ERC2: variants seen among roughly 807,000 people sequenced by gnomAD.
The protein encoded by ERC2 is ERC protein 2.
Under a neutral mutation model 114.8 loss-of-function variants are expected in ERC2, and 42 were observed. That is an observed-to-expected ratio of 0.37 (90% CI 0.29 to 0.47). The LOEUF (loss-of-function observed/expected upper bound fraction) is 0.47. Ranked by LOEUF, ERC2 falls within the 20% of genes least tolerant of loss-of-function variation. The pLI, the probability that ERC2 is intolerant of heterozygous loss-of-function variation, is 0.99. For missense variants in ERC2, 939 were observed against 1,150.7 expected (o/e 0.82, Z 2.66); for synonymous variants, 454 against 425.5 (o/e 1.07, Z -0.82).
chr3:55,679,843 G>A (rs1576099616), intron 17 of ERC2, among the ~76,000 whole-genome samples: 1 of 151,880 alleles, frequency 6.6e-6, no homozygotes, highest in Non-Finnish European at 1.5e-5. Context: ...TTTTCTTTTT[G>A]CAGCCATTAA....
At chr3:55,723,632 G>A (rs2064722309) in intron 15 of ERC2, among the ~76,000 whole-genome samples, 1 of 152,172 alleles carries the variant, frequency 6.6e-6, no homozygotes, top group Non-Finnish European at 1.5e-5. Context: ...TTCCAAGTCT[G>A]ATAAATGTCT....
At chr3:56,342,680 G>C (rs1015114017) in intron 2 of ERC2, among the ~76,000 whole-genome samples, 20 of 152,184 alleles carry the variant, frequency 1.3e-4, no homozygotes, top group African/African-American at 4.6e-4. Flanking sequence ...ATTCTGCCAG[G>C]TGTGTGTCAG....
intron 3 of ERC2, among the ~76,000 whole-genome samples, chr3:56,194,236 G>A (rs1281087468): frequency 4.0e-5 from 6 of 151,840 alleles, no homozygotes; most frequent in Middle Eastern, 3.2e-3. Context: ...CCCTCCTCCC[G>A]CCACCACCCC....
chr3:56,285,469 C>T (rs750309729), intron 3 of ERC2, among the ~76,000 whole-genome samples: 2 of 152,116 alleles, frequency 1.3e-5, no homozygotes, highest in South Asian at 2.1e-4. Context: ...GTCAACCTTG[C>T]TGAGACTGAA....
chr3:56,434,987 T>C lies in ERC2; in HGVS notation c.21A>G (p.Thr7=). The change falls in exon 2 of 18, where the codon ACA becomes ACG. Residue 7 remains threonine, a synonymous_variant. Transcript: ENST00000288221. ...AAGGGCTACCTTCCAGATTGGTGAT[T>C]GTTCTTGCACTTCCATACATTTTTC... MYGSAR[T]ITNLEGSPSR... is the part of the protein sequence containing the mutation. 4.3e-6 allele frequency: 7 copies of C among 1,610,850 alleles called. No individual in the cohort carries two copies. The highest frequency in any genetic ancestry group is 5.9e-6 in the Non-Finnish European group (7 of 1,179,570).
intron 2 of ERC2, among the ~76,000 whole-genome samples, chr3:56,385,582 T>C (rs1054317988): frequency 3.9e-5 from 6 of 152,198 alleles, no homozygotes; most frequent in Non-Finnish European, 8.8e-5. Flanking sequence ...CTTAATGTTC[T>C]AGTAGCACAA....
intron 3 of ERC2, among the ~76,000 whole-genome samples, chr3:56,243,775 C>A (rs80137957): frequency 0.014 from 2,074 of 152,254 alleles, 49 homozygotes; most frequent in African/African-American, 0.047. Context: ...ATAAGGGGAG[C>A]TATTGTCATA....
intron 6 of ERC2, among the ~76,000 whole-genome samples, chr3:56,111,857 C>T (rs1200660138): frequency 6.6e-6 from 1 of 152,144 alleles, no homozygotes; most frequent in Non-Finnish European, 1.5e-5. Flanking sequence ...TATTGCTGAA[C>T]TGTTTAACTT....
intron 17 of ERC2, among the ~76,000 whole-genome samples, chr3:55,590,196 C>A (rs1209742556): frequency 2.0e-5 from 3 of 152,018 alleles, no homozygotes; most frequent in Non-Finnish European, 4.4e-5. Flanking sequence ...AAGTAAAAAG[C>A]GTGAGATCGT....
chr3:55,594,887 T>C (rs925061430), intron 17 of ERC2, among the ~76,000 whole-genome samples: 5 of 151,994 alleles, frequency 3.3e-5, no homozygotes, highest in Non-Finnish European at 4.4e-5. Flanking sequence ...CCACCAGCAT[T>C]ATCCTCATCA....
intron 17 of ERC2, among the ~76,000 whole-genome samples, chr3:55,525,949 TTG>T (rs1264743549): frequency 6.6e-6 from 1 of 152,166 alleles, no homozygotes; most frequent in Non-Finnish European, 1.5e-5. Flanking sequence ...GAATGTGACC[TTG>T]TTTGGAAATA....
chr3:55,549,948 G>GAGAGAGAT (rs1185719593), intron 17 of ERC2, among the ~76,000 whole-genome samples: 1 of 105,536 alleles, frequency 9.5e-6, no homozygotes, highest in Non-Finnish European at 2.1e-5. Context: ...GAGAGAGAGA[G>GAGAGAGAT]AGAGAGAGAG....
intron 10 of ERC2, among the ~76,000 whole-genome samples, chr3:56,000,222 T>C (rs763310477): frequency 5.9e-5 from 9 of 152,012 alleles, no homozygotes; most frequent in African/African-American, 1.2e-4. Context: ...TAAAGATGGA[T>C]AAAGGGCTTA....
At chr3:55,574,117 G>A (rs747768023) in intron 17 of ERC2, among the ~76,000 whole-genome samples, 2 of 152,168 alleles carry the variant, frequency 1.3e-5, no homozygotes, top group African/African-American at 4.8e-5. Flanking sequence ...GGCTTTGCAT[G>A]TGCTATTTTT....
At chr3:56,265,380 T>C (rs759727226) in intron 3 of ERC2, among the ~76,000 whole-genome samples, 25 of 152,268 alleles carry the variant, frequency 1.6e-4, no homozygotes, top group African/African-American at 4.3e-4. Flanking sequence ...ATAAATGCTA[T>C]TGGGGAAACT....
intron 2 of ERC2, among the ~76,000 whole-genome samples, chr3:56,430,176 C>A (rs2061732923): frequency 1.3e-5 from 2 of 152,016 alleles, no homozygotes; most frequent in African/African-American, 4.8e-5. Context: ...TCTAAATACC[C>A]CTGAAAGAAT....
intron 14 of ERC2, among the ~76,000 whole-genome samples, chr3:55,830,581 T>C (rs2060525457): frequency 6.6e-6 from 1 of 152,164 alleles, no homozygotes; most frequent in East Asian, 1.9e-4. Flanking sequence ...CTTGAAGTAG[T>C]AAAATATTAA....
At chr3:56,009,885 C>T (rs964128848) in intron 9 of ERC2, among the ~76,000 whole-genome samples, 1 of 152,032 alleles carries the variant, frequency 6.6e-6, no homozygotes, top group African/African-American at 2.4e-5. Context: ...TTCATGTTTG[C>T]TATGGTATAA....
At chr3:55,890,515 TG>T (rs2063551538) in intron 13 of ERC2, among the ~76,000 whole-genome samples, 1 of 152,230 alleles carries the variant, frequency 6.6e-6, no homozygotes, top group African/African-American at 2.4e-5. Context: ...GCTACTCAGC[TG>T]GGTTTCCAAA....
Sources: allele counts gnomAD v4.1 joint callset (sites outside exome capture counted in the v4.1 genomes callset), GRCh38; gene constraint gnomAD v4.1.1; transcripts MANE v1.5; gene names NCBI Gene and HGNC (gene_info 2026-07-23, HGNC 2026-07-21).